The following ABHD12 variants were observed in gnomAD, a reference collection of about 807,000 sequenced individuals.
ABHD12 encodes lysophosphatidylserine lipase ABHD12.
ABHD12 carries 43 observed loss-of-function variants against 58.3 expected under a neutral mutation model. That is an observed-to-expected ratio of 0.74 (90% CI 0.58 to 0.95). The LOEUF (loss-of-function observed/expected upper bound fraction) is 0.95. Among genes scored for constraint, ABHD12 ranks in the 40% least tolerant of loss-of-function variants. The pLI is 0.00. For missense variants in ABHD12, 539 were observed against 537.2 expected, an observed-to-expected ratio of 1.00 and a Z score of -0.03; for synonymous variants, 219 against 211.2, an observed-to-expected ratio of 1.04 and a Z score of -0.32.
chr20:25,306,859 A>C lies in ABHD12; in HGVS notation c.924T>G (p.Ser308Arg). ...TTTCATCATTTGCAAATTTAATTCCACTACTTGTAATAGGATCAAGGAAGA... is the reference window on the plus strand; with the variant it reads ...TTTCATCATTTGCAAATTTAATTCCCCTACTTGTAATAGGATCAAGGAAGA... ...DWFFLDPITS[S>R]GIKFANDENV... is the part of the protein sequence containing the mutation. Residue 308 changes from serine (S) to arginine (R), a missense_variant, in exon 10 of 13, where the codon AGT becomes AGG. Ser to Arg is a moderately radical substitution (Grantham distance 110). Coordinates refer to ENST00000339157, the MANE Select transcript of ABHD12 (RefSeq NM_001042472.3). 1 of 1,612,546 alleles carries C rather than the reference A, an allele frequency of 6.2e-7. No homozygotes were observed. The highest frequency in any genetic ancestry group is 8.5e-7 in the Non-Finnish European group (1 of 1,178,728).
At chr20:25,329,335 G>A (rs2089228831) in intron 2 of ABHD12, among the ~76,000 whole-genome samples, 1 of 152,208 alleles carries the variant, frequency 6.6e-6, no homozygotes, top group African/African-American at 2.4e-5. Flanking sequence ...TGAACCGGGA[G>A]CTCCTCATAC....
intron 4 of ABHD12, among the ~76,000 whole-genome samples, chr20:25,319,216 G>T (rs982183190): frequency 2.6e-5 from 4 of 152,196 alleles, no homozygotes; most frequent in African/African-American, 4.8e-5. Flanking sequence ...CCCACCCTGG[G>T]TTCTCCCACA....
chr20:25,358,279 T>C (rs906941472), intron 1 of ABHD12, among the ~76,000 whole-genome samples: 4 of 152,180 alleles, frequency 2.6e-5, no homozygotes, highest in Admixed American at 6.5e-5. Context: ...TGTCCATCAA[T>C]AGGAAGCTAA....
intron 7 of ABHD12, among the ~76,000 whole-genome samples, chr20:25,308,706 A>G (rs1023098623): frequency 6.6e-6 from 1 of 152,190 alleles, no homozygotes; most frequent in Non-Finnish European, 1.5e-5. Context: ...CTGTACCCAC[A>G]GCCAGTCAGC....
chr20:25,330,573 C>G (rs1208748967), intron 2 of ABHD12, among the ~76,000 whole-genome samples: 1 of 152,274 alleles, frequency 6.6e-6, no homozygotes, highest in Non-Finnish European at 1.5e-5. Flanking sequence ...TGTCTGACAG[C>G]TCTGAAGAGA....
intron 1 of ABHD12, 136 bp downstream of exon 1, chr20:25,390,377 C>T (rs1171007923): frequency 3.4e-6 from 3 of 895,160 alleles, no homozygotes; most frequent in Admixed American, 9.0e-5. Flanking sequence ...GACACAGGCG[C>T]GGACGGGGGC....
At chr20:25,323,562 T>C (rs1287392936) in intron 2 of ABHD12, 132 bp from the exon 3 acceptor site, 6 of 705,358 alleles carry the variant, frequency 8.5e-6, no homozygotes, top group Admixed American at 5.9e-5. Flanking sequence ...CACACCCACA[T>C]GCACACACTG....
rs779225002 is a variant in ABHD12, at chr20:25,302,272, A to G, written c.1104T>C (p.Leu368=). ...TGTAAATGTATTTGTGCCTGTAGCC[A>G]AGGTCTGAATGAAAGGGCACAAACT... The part of the protein sequence containing the change: ...KVQFVPFHSD[L]GYRHKYIYKS... Residue 368 remains leucine (L), a synonymous_variant, in exon 12 of 13, where the codon CTT becomes CTC. Transcript: ENST00000339157. 2 of 1,613,856 alleles carry G rather than the reference A, an allele frequency of 1.2e-6. No individual in the cohort carries two copies. The highest frequency in any genetic ancestry group is 2.2e-5 in the South Asian group (2 of 91,058).
intron 1 of ABHD12, among the ~76,000 whole-genome samples, chr20:25,343,676 C>T (rs1404816384): frequency 6.6e-6 from 1 of 152,144 alleles, no homozygotes; most frequent in Non-Finnish European, 1.5e-5. Context: ...TGGTGGCAGG[C>T]ATCTGTAATC....
At position 25,328,091 on chromosome 20, in the gene ABHD12, C is replaced by T. The variant is rs139491465; in HGVS notation, c.317-4661G>A. On this transcript the variant is annotated intron_variant, in intron 2 of 12. Coordinates refer to ENST00000339157, the MANE Select transcript of ABHD12 (RefSeq NM_001042472.3). ...GAGAGTGATTTGAGTAATAACAAAACGCCAGTCTCCTGGAAAAAAAAAAAA... is the reference window on the plus strand; with the variant it reads ...GAGAGTGATTTGAGTAATAACAAAATGCCAGTCTCCTGGAAAAAAAAAAAA... Among the ~76,000 whole-genome samples the T allele has an allele frequency of 3.5e-4, 53 of 150,830 alleles. No homozygotes were observed. The East Asian group carries it at 9.9e-3, about 28-fold the overall frequency.
chr20:25,364,690 A>G (rs760633314), intron 1 of ABHD12, among the ~76,000 whole-genome samples: 13 of 152,282 alleles, frequency 8.5e-5, no homozygotes, highest in Non-Finnish European at 1.9e-4. Flanking sequence ...TTCCCAAAAC[A>G]TACGTCACTA....
chr20:25,359,359 G>C (rs1219894721), intron 1 of ABHD12, among the ~76,000 whole-genome samples: 1 of 142,382 alleles, frequency 7.0e-6, no homozygotes, highest in Non-Finnish European at 1.5e-5. Flanking sequence ...GGGAGGCGGA[G>C]CTTGCAGTGA....
At chr20:25,390,472 G>GGACGC in intron 1 of ABHD12, 41 bp downstream of exon 1, 1 of 1,248,458 alleles carries the variant, frequency 8.0e-7, no homozygotes. Context: ...CAAAGTGAGG[G>GGACGC]ACCGGCCCCC....
At chr20:25,304,243 C>G (rs953353296) in intron 10 of ABHD12, among the ~76,000 whole-genome samples, 41 of 152,282 alleles carry the variant, frequency 2.7e-4, no homozygotes, top group Admixed American at 2.7e-3. Flanking sequence ...CTCCTGGCAC[C>G]TGGAGCAGGA....
Position 25,390,476 on chromosome 20 carries a change from GGC to G in ABHD12, c.191+35_191+36del, listed in dbSNP as rs1479008315. 1,884 of 1,030,076 alleles carry G rather than the reference GGC, an allele frequency of 1.8e-3. 38 individuals are homozygous for G. The East Asian group carries it at 0.027, about 15-fold the overall frequency. The allele number at this position is 1,030,076 out of a possible 1,614,324, so 63.8% of individuals were successfully genotyped here. On this transcript the variant is annotated intron_variant, in intron 1 of 12. Transcript: ENST00000339157. The stretch of plus-strand genomic sequence containing the variant: ...ACGCACCTGCGCAAAGTGAGGGACC[GGC>G]CCCCCCCCCCCCCCCGCTCCGCGCG...
downstream of ABHD12, chr20:25,295,796 G>A: frequency 9.2e-7 from 1 of 1,081,668 alleles, no homozygotes; most frequent in Non-Finnish European, 1.4e-6. Flanking sequence ...TTGTGATTCT[G>A]ATCTGTCATC....
At chr20:25,389,043 T>TAA (rs1316191341) in intron 1 of ABHD12, among the ~76,000 whole-genome samples, 1 of 152,172 alleles carries the variant, frequency 6.6e-6, no homozygotes, top group Non-Finnish European at 1.5e-5. Flanking sequence ...TGACCTCTGA[T>TAA]AATCTGCCCG....
intron 1 of ABHD12, chr20:25,368,707 G>A: frequency 7.6e-7 from 1 of 1,319,574 alleles, no homozygotes; most frequent in Admixed American, 1.7e-5. Context: ...CAGGTTGAAG[G>A]AGACGCGGCC....
intron 6 of ABHD12, among the ~76,000 whole-genome samples, chr20:25,313,451 G>T (rs1169231590): frequency 6.6e-6 from 1 of 150,572 alleles, no homozygotes; most frequent in African/African-American, 2.5e-5. Flanking sequence ...ACTGCGGAAG[G>T]CCGCAGGGTC....
Sources: gnomAD v4.1 joint callset for allele counts (sites outside exome capture counted in the v4.1 genomes callset) on GRCh38, gnomAD v4.1.1 for gene constraint, MANE v1.5 for transcripts, NCBI Gene and HGNC (gene_info 2026-07-23, HGNC 2026-07-21) for gene names.